Variants in JMY observed in about 807,000 individuals in gnomAD.
JMY encodes junction mediating and regulatory protein, p53 cofactor.
A neutral mutation model predicts 103.3 loss-of-function variants in JMY; 46 were observed. The observed-to-expected ratio is 0.45, with a 90% confidence interval of 0.35 to 0.57. JMY has a LOEUF of 0.57. Among genes scored for constraint, JMY ranks in the 20% least tolerant of loss-of-function variants. The probability of loss-of-function intolerance (pLI) is 0.00; values close to 1 mark genes in which losing one functional copy is unlikely to be tolerated. For missense variants in JMY, 1,238 were observed against 1,255.2 expected (o/e 0.99, Z 0.21); for synonymous variants, 526 against 489.3 (o/e 1.07, Z -0.99).
chr5:79,293,417 TA>T (rs1280830364), intron 4 of JMY, among the ~76,000 whole-genome samples: 56 of 125,246 alleles, frequency 4.5e-4, no homozygotes, highest in East Asian at 1.4e-3. Flanking sequence ...TTTTTTTTTT[TA>T]AATTAATTTA....
chr5:79,287,480 G>C (rs1265065109), intron 2 of JMY, among the ~76,000 whole-genome samples: 1 of 152,074 alleles, frequency 6.6e-6, no homozygotes, highest in Non-Finnish European at 1.5e-5. Context: ...CAGCTGCTGA[G>C]TTTTAAAAGT....
chr5:79,287,846 C>A (rs1193271941), intron 2 of JMY, among the ~76,000 whole-genome samples: 4 of 152,056 alleles, frequency 2.6e-5, no homozygotes, highest in Non-Finnish European at 5.9e-5. Flanking sequence ...TTTGTCTTTT[C>A]TTTGTATTGT....
At chr5:79,288,721 TTTTTG>T (rs1561305723) in intron 2 of JMY, among the ~76,000 whole-genome samples, 11 of 151,860 alleles carry the variant, frequency 7.2e-5, no homozygotes, top group African/African-American at 2.7e-4. Flanking sequence ...GTTTTGTTTT[TTTTTG>T]TTTGTTTGTT....
rs995204370 is a variant in JMY at position 79,284,725 on chromosome 5, C to T, written c.1207-5396C>T. On this transcript the variant is annotated intron_variant, in intron 2 of 10. Coordinates refer to ENST00000396137, the MANE Select transcript of JMY (RefSeq NM_152405.5). ...ATCAGCAAGACTCACTTCAAACACA[C>T]GACCCTTGAGACCATCAGATGCAAT... 2.3e-5 allele frequency: 37 copies of T among 1,590,854 alleles called. No individual in the cohort carries two copies. The African/African-American group carries it at 3.7e-4, about 16-fold the overall frequency.
At chr5:79,291,341 A>G (rs1309405912) in intron 4 of JMY, 42 bp downstream of exon 4, 4 of 1,490,588 alleles carry the variant, frequency 2.7e-6, no homozygotes, top group Non-Finnish European at 3.6e-6. Context: ...AAAAAGTTAC[A>G]GTTTGTCATT....
chr5:79,315,995 C>T lies in JMY; in HGVS notation c.2660-5C>T, dbSNP rs1473335717. 1 of 1,611,560 alleles carries T rather than the reference C, an allele frequency of 6.2e-7. No individual in the cohort carries two copies. The highest frequency in any genetic ancestry group is 8.5e-7 in the Non-Finnish European group (1 of 1,178,572). On this transcript the variant is annotated splice_region_variant and splice_polypyrimidine_tract_variant and intron_variant, in intron 9 of 10. Transcript: ENST00000396137. ...TGTAATACTGTTCTGTTTCATTTTC[C>T]AAAGTGAGCTCACCCATGGATGAGG...
intron 1 of JMY, among the ~76,000 whole-genome samples, chr5:79,262,794 C>A (rs1000464863): frequency 4.6e-5 from 7 of 152,126 alleles, no homozygotes; most frequent in African/African-American, 1.7e-4. Flanking sequence ...ACTATTCTGT[C>A]TGAGGACAAA....
chr5:79,275,735 A>G (rs1282194357), intron 1 of JMY, among the ~76,000 whole-genome samples: 1 of 152,228 alleles, frequency 6.6e-6, no homozygotes, highest in African/African-American at 2.4e-5. Context: ...AAAATTCTCC[A>G]TATTAGTTTT....
chr5:79,308,222 A>G (rs913371707), intron 7 of JMY, among the ~76,000 whole-genome samples: 2 of 152,186 alleles, frequency 1.3e-5, no homozygotes, highest in African/African-American at 4.8e-5. Context: ...GTGTTTTAAC[A>G]AAGTCCAATT....
chr5:79,237,685 G>A lies in JMY; in HGVS notation c.1032+3G>A. On this transcript the variant is annotated splice_donor_region_variant and intron_variant, in intron 1 of 10. Transcript: ENST00000396137. The stretch of plus-strand genomic sequence containing the variant: ...GGGCCAGGAAGCGCATCCAGGAGGT[G>A]AGTGAGTGAGCTCCTAGTCTGGGCT... 6.2e-7 allele frequency: 1 copy of A among 1,608,852 alleles called. No individual in the cohort carries two copies. The highest frequency in any genetic ancestry group is 8.5e-7 in the Non-Finnish European group (1 of 1,176,962).
intron 1 of JMY, among the ~76,000 whole-genome samples, chr5:79,268,590 C>T (rs1215670607): frequency 1.3e-5 from 2 of 152,030 alleles, no homozygotes; most frequent in Non-Finnish European, 2.9e-5. Context: ...CGGGTTCAAG[C>T]GATTCTTCTG....
chr5:79,282,176 C>T (rs967202626), intron 2 of JMY, among the ~76,000 whole-genome samples: 2 of 152,004 alleles, frequency 1.3e-5, no homozygotes, highest in African/African-American at 4.8e-5. Context: ...CACTGCATTC[C>T]AACCTGGGTG....
rs769034920 is a variant in JMY, at chr5:79,314,762, C to A, written c.2570C>A (p.Ala857Asp). 1.2e-6 allele frequency: 2 copies of A among 1,613,310 alleles called. No homozygotes were observed. Among genetic ancestry groups the A allele is most frequent in the Admixed American group, 1.7e-5 (1 of 59,932 alleles). Residue 857 changes from alanine to aspartate, a missense_variant, in exon 9 of 11, where the codon GCC (alanine) becomes GAC (aspartate). Physicochemically the swap from Ala to Asp is moderately radical, Grantham distance 126 (BLOSUM62 -2). Transcript: ENST00000396137. ...NEKRIPKSAS[A>D]PSAHLFDSSQ... ...AAGAGGATCCCAAAGTCAGCCAGTGCCCCCTCAGCACACCTCTTTGACAGC... is the reference window on the plus strand; with the variant it reads ...AAGAGGATCCCAAAGTCAGCCAGTGACCCCTCAGCACACCTCTTTGACAGC...
At chr5:79,284,898 C>T in intron 2 of JMY, 1 of 1,553,806 alleles carries the variant, frequency 6.4e-7, no homozygotes, top group Non-Finnish European at 8.8e-7. Flanking sequence ...TCGTAAGGTG[C>T]TTGTTCTTGC....
Position 79,324,152 on chromosome 5 carries a change from G to A in JMY, c.*2550G>A, listed in dbSNP as rs779473053. ...CTTGTCCATCAAGATGACATTACCA[G>A]TGGAACCCACCTGTTAATTTTAAAG... On this transcript the variant is annotated 3_prime_UTR_variant, in exon 11 of 11. Coordinates refer to ENST00000396137, the MANE Select transcript of JMY (RefSeq NM_152405.5). The A allele has an allele frequency of 3.3e-5, 5 of 152,172 alleles. No individual in the cohort carries two copies. Among genetic ancestry groups the A allele is most frequent in the Non-Finnish European group, 5.9e-5 (4 of 68,032 alleles). 9.4% of individuals were successfully genotyped at this position (152,172 alleles called of 1,614,324 possible).
At position 79,291,114 on chromosome 5, in the gene JMY, A is replaced by C; in HGVS notation, c.1358-16A>C. 1 of 1,525,894 alleles carries C rather than the reference A, an allele frequency of 6.6e-7. No individual in the cohort carries two copies. The highest frequency in any genetic ancestry group is 8.8e-7 in the Non-Finnish European group (1 of 1,137,016). 94.5% of individuals were successfully genotyped at this position (1,525,894 alleles called of 1,614,324 possible). ...TTGTTATTTGTCTTAATTTCTCTTT[A>C]AAAAATTATTAATAGCTGTGTATGA... On this transcript the variant is annotated splice_polypyrimidine_tract_variant and intron_variant, in intron 3 of 10. Transcript: ENST00000396137.
At chr5:79,238,262 G>T (rs191676098) in intron 1 of JMY, among the ~76,000 whole-genome samples, 1 of 151,628 alleles carries the variant, frequency 6.6e-6, no homozygotes, top group East Asian at 1.9e-4. Context: ...TTTTTTTTTG[G>T]ACTACCTCAG....
chr5:79,306,145 A>G (rs574427016), intron 6 of JMY, among the ~76,000 whole-genome samples: 1 of 152,316 alleles, frequency 6.6e-6, no homozygotes, highest in South Asian at 2.1e-4. Context: ...CCTTCAAAAA[A>G]GAGAAACCAG....
rs1414203319 is a variant in JMY, at chr5:79,325,841, A to G, written c.*4239A>G. ...TTGCCTAAACTATGTTATGTAAGCAAAGGGTTTGGAAAGGCGGGAGGGAGT... is the reference window on the plus strand; with the variant it reads ...TTGCCTAAACTATGTTATGTAAGCAGAGGGTTTGGAAAGGCGGGAGGGAGT... On this transcript the variant is annotated 3_prime_UTR_variant, in exon 11 of 11. Coordinates refer to ENST00000396137, the MANE Select transcript of JMY (RefSeq NM_152405.5). The G allele has an allele frequency of 6.6e-6, 1 of 152,152 alleles. No individual in the cohort carries two copies. The highest frequency in any genetic ancestry group is 1.5e-5 in the Non-Finnish European group (1 of 68,004). The allele number at this position is 152,152 out of a possible 1,614,324, so 9.4% of individuals were successfully genotyped here. A position where few individuals can be genotyped will look rare whatever the true frequency, so the allele number is the denominator to read the frequency against.
Sources: allele counts gnomAD v4.1 joint callset (sites outside exome capture counted in the v4.1 genomes callset), GRCh38; gene constraint gnomAD v4.1.1; transcripts MANE v1.5; gene names NCBI Gene and HGNC (gene_info 2026-07-23, HGNC 2026-07-21).